TBC1D22A: variants seen among roughly 807,000 people sequenced by gnomAD.
TBC1D22A encodes the protein putative GTPase activator.
Under a neutral mutation model 60.2 loss-of-function variants are expected in TBC1D22A, and 38 were observed. The ratio of observed to expected loss-of-function variants is 0.63; its 90% CI spans 0.49 to 0.83. TBC1D22A has a LOEUF of 0.83. Among genes scored for constraint, TBC1D22A ranks in the 40% least tolerant of loss-of-function variants. The probability of loss-of-function intolerance (pLI) is 0.00; values close to 1 mark genes in which losing one functional copy is unlikely to be tolerated. For missense variants in TBC1D22A, 628 were observed against 701.0 expected, an observed-to-expected ratio of 0.90 and a Z score of 1.18; for synonymous variants, 302 against 281.7, an observed-to-expected ratio of 1.07 and a Z score of -0.72.
intron 8 of TBC1D22A, among the ~76,000 whole-genome samples, chr22:46,955,169 T>G (rs1236671083): frequency 6.6e-6 from 1 of 152,214 alleles, no homozygotes; most frequent in Admixed American, 6.5e-5. Context: ...GTATGTTACT[T>G]ATAAAAAATT....
chr22:47,151,412 C>G (rs1569474507), intron 12 of TBC1D22A, among the ~76,000 whole-genome samples: 1 of 152,210 alleles, frequency 6.6e-6, no homozygotes, highest in African/African-American at 2.4e-5. Context: ...ACTTGAACAA[C>G]TCGGGAAATT....
At position 47,001,286 on chromosome 22, in the gene TBC1D22A, T is replaced by G. The variant is rs180976472; in HGVS notation, c.1201+3577T>G. Among the ~76,000 whole-genome samples the G allele has an allele frequency of 6.5e-4, 83 of 128,118 alleles. 1 individual carries two copies. The highest frequency in any genetic ancestry group is 3.0e-4 in the Non-Finnish European group (19 of 62,544). 84.1% of individuals were successfully genotyped at this position (128,118 alleles called of 152,430 possible). On this transcript the variant is annotated intron_variant, in intron 10 of 12. Transcript: ENST00000337137. Reference sequence around the variant, plus strand: ...AGGAAGTTACAACTGAAATTGTATTTTTTTCTTTCTTTCTTTTTTTTTTTT... The same window carrying G: ...AGGAAGTTACAACTGAAATTGTATTGTTTTCTTTCTTTCTTTTTTTTTTTT...
chr22:46,984,405 A>AG (rs2074639954), intron 9 of TBC1D22A, among the ~76,000 whole-genome samples: 10 of 135,244 alleles, frequency 7.4e-5, no homozygotes, highest in South Asian at 7.1e-4. Flanking sequence ...AAAAAAAAAA[A>AG]AGAGAAGTTC....
intron 9 of TBC1D22A, among the ~76,000 whole-genome samples, chr22:46,988,212 C>T (rs1602836844): frequency 6.6e-6 from 1 of 152,210 alleles, no homozygotes; most frequent in East Asian, 1.9e-4. Flanking sequence ...CTATTTCCAC[C>T]ATATCTGTAG....
intron 1 of TBC1D22A, among the ~76,000 whole-genome samples, chr22:46,784,906 T>C (rs1191978070): frequency 1.3e-5 from 2 of 152,254 alleles, no homozygotes; most frequent in South Asian, 2.1e-4. Flanking sequence ...GAGTACTTAC[T>C]TGGTTAAAAC....
At chr22:46,959,061 G>A (rs1163443433) in intron 8 of TBC1D22A, among the ~76,000 whole-genome samples, 3 of 152,158 alleles carry the variant, frequency 2.0e-5, no homozygotes, top group Non-Finnish European at 2.9e-5. Context: ...GAGAATGTGT[G>A]CTCCCGGCCG....
chr22:47,074,293 C>T (rs1030243616), intron 11 of TBC1D22A, among the ~76,000 whole-genome samples: 10 of 152,340 alleles, frequency 6.6e-5, no homozygotes, highest in African/African-American at 2.4e-4. Context: ...GCTGAGATCG[C>T]CCACATTGGC....
At chr22:46,919,042 A>G (rs985903875) in intron 8 of TBC1D22A, among the ~76,000 whole-genome samples, 1 of 152,166 alleles carries the variant, frequency 6.6e-6, no homozygotes, top group African/African-American at 2.4e-5. Flanking sequence ...TAGAGTGTAA[A>G]GTTGAAAGAT....
At chr22:47,149,588 G>C (rs1321206135) in intron 12 of TBC1D22A, among the ~76,000 whole-genome samples, 1 of 152,248 alleles carries the variant, frequency 6.6e-6, no homozygotes. Flanking sequence ...TAGTGGGGAA[G>C]GGACACGACC....
At chr22:46,775,697 T>TGTGCATCAGCCAGATGTGC (rs1400946440) in intron 1 of TBC1D22A, among the ~76,000 whole-genome samples, 1 of 152,236 alleles carries the variant, frequency 6.6e-6, no homozygotes, top group Non-Finnish European at 1.5e-5. Context: ...TGTAACAGCT[T>TGTGCATCAGCCAGATGTGC]GTGCATCAGC....
intron 5 of TBC1D22A, among the ~76,000 whole-genome samples, chr22:46,884,462 G>A (rs994994810): frequency 1.3e-5 from 2 of 152,228 alleles, no homozygotes; most frequent in Non-Finnish European, 2.9e-5. Context: ...GTAACAGGAA[G>A]CAGTGCCGTG....
chr22:46,806,076 C>A (rs1458283315), intron 4 of TBC1D22A, among the ~76,000 whole-genome samples: 3 of 152,154 alleles, frequency 2.0e-5, no homozygotes, highest in Non-Finnish European at 4.4e-5. Context: ...TGGTCTCGAA[C>A]TCCTGACCTC....
chr22:47,083,834 A>G (rs1011167801), intron 11 of TBC1D22A, among the ~76,000 whole-genome samples: 1 of 152,358 alleles, frequency 6.6e-6, no homozygotes, highest in African/African-American at 2.4e-5. Context: ...GTGAGATACT[A>G]CTGCACGCCC....
intron 10 of TBC1D22A, among the ~76,000 whole-genome samples, chr22:47,029,654 C>T (rs1569357376): frequency 2.0e-5 from 3 of 152,226 alleles, no homozygotes; most frequent in Admixed American, 6.5e-5. Flanking sequence ...GCTTCTGGGG[C>T]GGGGATGGCA....
Position 46,978,878 on chromosome 22 carries a change from C to T in TBC1D22A, c.1125+4479C>T, listed in dbSNP as rs188272069. On this transcript the variant is annotated intron_variant, in intron 9 of 12. Transcript: ENST00000337137. ...CCCGCCTCAGCCTCCCAAAGTGCTG[C>T]GATTACAGGTATGAGCCACCGCGCC... Among the ~76,000 whole-genome samples the T allele has an allele frequency of 2.0e-5, 3 of 152,196 alleles. No individual in the cohort carries two copies. The East Asian group carries it at 5.8e-4, about 29-fold the overall frequency.
intron 11 of TBC1D22A, among the ~76,000 whole-genome samples, chr22:47,038,521 G>C (rs367952870): frequency 6.6e-6 from 1 of 152,198 alleles, no homozygotes. Flanking sequence ...CTCAGGCTGC[G>C]TGCGTTCTTC....
chr22:47,125,641 T>C (rs956128890), intron 12 of TBC1D22A, among the ~76,000 whole-genome samples: 1 of 152,192 alleles, frequency 6.6e-6, no homozygotes, highest in Non-Finnish European at 1.5e-5. Flanking sequence ...GACTCTGGGG[T>C]GACTTGCAGG....
intron 8 of TBC1D22A, among the ~76,000 whole-genome samples, chr22:46,958,113 T>C (rs751232160): frequency 4.6e-5 from 7 of 152,036 alleles, no homozygotes; most frequent in Non-Finnish European, 5.9e-5. Flanking sequence ...CAGTGTTGAG[T>C]GTGGCTCTCA....
chr22:47,026,465 ACT>A (rs1273154660), intron 10 of TBC1D22A, among the ~76,000 whole-genome samples: 2 of 152,002 alleles, frequency 1.3e-5, no homozygotes, highest in Non-Finnish European at 2.9e-5. Flanking sequence ...AAGAAGTAAA[ACT>A]CTCTGCTTTT....
Sources: allele counts gnomAD v4.1 joint callset (sites outside exome capture counted in the v4.1 genomes callset), GRCh38; gene constraint gnomAD v4.1.1; transcripts MANE v1.5; gene names NCBI Gene and HGNC (gene_info 2026-07-23, HGNC 2026-07-21).